USH2A: variants seen among roughly 807,000 people sequenced by gnomAD.
USH2A encodes usherin, also known as Usher syndrome 2A (autosomal recessive, mild).
Under a neutral mutation model 538.9 loss-of-function variants are expected in USH2A, and 443 were observed. The ratio of observed to expected loss-of-function variants is 0.82; its 90% CI spans 0.76 to 0.89. The LOEUF (loss-of-function observed/expected upper bound fraction) is 0.89, where lower values mean the gene tolerates loss of function less well. Ranked by LOEUF, USH2A falls within the 40% of genes least tolerant of loss-of-function variation. The pLI is 0.00. For missense variants in USH2A, 6,633 were observed against 6,324.8 expected, an observed-to-expected ratio of 1.05 and a Z score of -1.65; for synonymous variants, 2,413 against 2,273.5, an observed-to-expected ratio of 1.06 and a Z score of -1.75.
chr1:216,153,878 AAGTG>A (rs1439814099), intron 21 of USH2A, among the ~76,000 whole-genome samples: 1 of 152,164 alleles, frequency 6.6e-6, no homozygotes, highest in Non-Finnish European at 1.5e-5. Context: ...AACACATTTT[AAGTG>A]AGGGTCAAAT....
intron 3 of USH2A, among the ~76,000 whole-genome samples, chr1:216,403,797 C>A (rs115064571): frequency 0.021 from 3,151 of 152,224 alleles, 40 homozygotes; most frequent in South Asian, 0.041. Flanking sequence ...ATAATCCCCA[C>A]GTGTCTAGGG....
At chr1:216,252,747 G>C (rs560351045) in intron 11 of USH2A, among the ~76,000 whole-genome samples, 1 of 152,168 alleles carries the variant, frequency 6.6e-6, no homozygotes, top group African/African-American at 2.4e-5. Context: ...GTGCCTGGCT[G>C]TTTCTCAGTC....
chr1:215,913,255 G>A (rs953972293), intron 38 of USH2A, among the ~76,000 whole-genome samples: 34 of 152,076 alleles, frequency 2.2e-4, no homozygotes, highest in Admixed American at 2.1e-3. Context: ...ATTGTCAAGT[G>A]GAGCAAGACT....
At chr1:216,119,823 C>T (rs2033090230) in intron 21 of USH2A, among the ~76,000 whole-genome samples, 1 of 152,066 alleles carries the variant, frequency 6.6e-6, no homozygotes, top group Non-Finnish European at 1.5e-5. Context: ...TGTTGATATG[C>T]TTTCTTTCTA....
At chr1:216,096,942 T>G in intron 22 of USH2A, 141 bp downstream of exon 22, 2 of 932,236 alleles carry the variant, frequency 2.1e-6, no homozygotes, top group East Asian at 2.6e-5. Context: ...TTCATTTTCT[T>G]GATTGGCAAA....
chr1:215,630,862 A>G (rs1311320551), intron 70 of USH2A, among the ~76,000 whole-genome samples: 1 of 150,664 alleles, frequency 6.6e-6, no homozygotes, highest in East Asian at 2.0e-4. Context: ...AAACAAACAA[A>G]TTAAAAAAAA....
intron 21 of USH2A, among the ~76,000 whole-genome samples, chr1:216,116,593 C>T (rs28754320): frequency 0.96 from 146,782 of 152,198 alleles, 70,835 homozygotes; most frequent in East Asian, 1. Context: ...GCCAGACTCC[C>T]TTGGAAAAAA....
At chr1:216,195,043 T>C (rs2034807909) in intron 19 of USH2A, among the ~76,000 whole-genome samples, 1 of 152,116 alleles carries the variant, frequency 6.6e-6, no homozygotes, top group African/African-American at 2.4e-5. Context: ...TAATGGAAAC[T>C]ATATACCATT....
At chr1:216,142,474 T>A (rs1461574281) in intron 21 of USH2A, among the ~76,000 whole-genome samples, 1 of 152,206 alleles carries the variant, frequency 6.6e-6, no homozygotes, top group Non-Finnish European at 1.5e-5. Context: ...ATGTGAAACA[T>A]ATTGACAGAA....
intron 47 of USH2A, among the ~76,000 whole-genome samples, chr1:215,836,715 C>T (rs1282045555): frequency 1.4e-5 from 2 of 145,536 alleles, no homozygotes; most frequent in Non-Finnish European, 3.0e-5. Flanking sequence ...CCCCACCACG[C>T]CCTGCTAATT....
At chr1:215,720,824 C>T (rs1454576407) in intron 61 of USH2A, among the ~76,000 whole-genome samples, 1 of 151,978 alleles carries the variant, frequency 6.6e-6, no homozygotes, top group African/African-American at 2.4e-5. Context: ...CTATGGGGAC[C>T]CCTATATAAC....
At chr1:215,867,211 C>T (rs764711479) in intron 43 of USH2A, 41 bp from the exon 44 acceptor site, 1 of 1,595,358 alleles carries the variant, frequency 6.3e-7, no homozygotes, top group Non-Finnish European at 8.6e-7. Flanking sequence ...TGAATTTCTA[C>T]TTTACAGAAA....
chr1:215,883,371 TG>T (rs952093191), intron 41 of USH2A, among the ~76,000 whole-genome samples: 8 of 151,932 alleles, frequency 5.3e-5, no homozygotes, highest in East Asian at 3.9e-4. Flanking sequence ...TTTTGGTGGG[TG>T]GGGGGGAAGT....
chr1:215,766,675 C>T lies in USH2A; in HGVS notation c.11047+6G>A, dbSNP rs748013097. 5 of 1,612,300 alleles carry T rather than the reference C, an allele frequency of 3.1e-6. No individual in the cohort carries two copies. The Admixed American group carries it at 6.7e-5, about 21-fold the overall frequency. On this transcript the variant is annotated splice_donor_region_variant and intron_variant, in intron 56 of 71. Transcript: ENST00000307340. ...TTCCCTCAAACCATGGATATTGTTT[C>T]ATTACCTTCAGGAGCTGCCTGCAGT...
At position 215,728,373 on chromosome 1, in the gene USH2A, C is replaced by T; in HGVS notation, c.11723G>A (p.Gly3908Asp). 2.5e-6 allele frequency: 4 copies of T among 1,614,052 alleles called. No homozygotes were observed. Among genetic ancestry groups the T allele is most frequent in the South Asian group, 1.1e-5 (1 of 91,084 alleles). ...AAATAAAACAGACTCCTCTTCAATG[C>T]CAGCAGGGCGTCTGAAAGGAAACCA... is the stretch of plus-strand genomic sequence containing the variant. The part of the protein sequence containing the change: ...INYFIYRRPA[G>D]IEEESVLFVW... Residue 3908 changes from glycine to aspartate, a missense_variant, in exon 61 of 72, where the codon GGC (glycine) becomes GAC (aspartate). By Grantham distance (94) the Gly-to-Asp change is moderately conservative. Transcript: ENST00000307340.
chr1:216,331,884 T>C lies in USH2A; in HGVS notation c.785-4230A>G, dbSNP rs147243564. The stretch of plus-strand genomic sequence containing the variant: ...GTGAAAACAATGGAAGAGTCTGTCT[T>C]CCATAAAAGCAATGGGAACACTGGC... On this transcript the variant is annotated intron_variant, in intron 4 of 71. Coordinates refer to ENST00000307340, the MANE Select transcript of USH2A (RefSeq NM_206933.4). Among the ~76,000 whole-genome samples, 382 of 152,222 alleles carry C rather than the reference T, an allele frequency of 2.5e-3. 3 individuals carry two copies. The highest frequency in any genetic ancestry group is 8.6e-3 in the African/African-American group (356 of 41,558).
intron 30 of USH2A, among the ~76,000 whole-genome samples, chr1:216,066,277 T>C (rs2031364642): frequency 6.6e-6 from 1 of 152,130 alleles, no homozygotes; most frequent in East Asian, 1.9e-4. Context: ...GAGACCATCC[T>C]GGCTAACATG....
chr1:216,362,661 G>A (rs2038516115), intron 4 of USH2A, among the ~76,000 whole-genome samples: 1 of 151,658 alleles, frequency 6.6e-6, no homozygotes, highest in Non-Finnish European at 1.5e-5. Context: ...TATTATTTAC[G>A]GCAGGGTGCG....
At chr1:215,814,408 C>A (rs952181930) in intron 48 of USH2A, among the ~76,000 whole-genome samples, 1 of 150,918 alleles carries the variant, frequency 6.6e-6, no homozygotes, top group Non-Finnish European at 1.5e-5. Context: ...ATTAAAGAGG[C>A]AACACAGGTA....
Sources: gnomAD v4.1 joint callset for allele counts (sites outside exome capture counted in the v4.1 genomes callset) on GRCh38, gnomAD v4.1.1 for gene constraint, MANE v1.5 for transcripts, NCBI Gene and HGNC (gene_info 2026-07-23, HGNC 2026-07-21) for gene names.